The following SH3KBP1 variants were observed in gnomAD, a reference collection of about 807,000 sequenced individuals.
SH3KBP1 encodes SH3 domain-containing kinase-binding protein 1.
SH3KBP1 carries 8 observed loss-of-function variants against 50.1 expected under a neutral mutation model. That is an observed-to-expected ratio of 0.16 (90% CI 0.09 to 0.29). The LOEUF is 0.29. Among genes scored for constraint, SH3KBP1 ranks in the 10% least tolerant of loss-of-function variants. The pLI, the probability that SH3KBP1 is intolerant of heterozygous loss-of-function variation, is 1.00. For synonymous variants in SH3KBP1, 227 were observed against 218.6 expected (o/e 1.04, Z -0.34); for missense variants, 377 against 535.2 (o/e 0.70, Z 2.92).
chrX:19,797,420 G>A (rs1325201771), intron 2 of SH3KBP1, among the ~76,000 whole-genome samples: 1 of 112,013 alleles, frequency 8.9e-6, no homozygotes, highest in Non-Finnish European at 1.9e-5. Flanking sequence ...ATGGCAGAAG[G>A]CAGTGGCCGA....
intron 3 of SH3KBP1, among the ~76,000 whole-genome samples, chrX:19,709,738 TG>T (rs1181407226): frequency 1.8e-5 from 2 of 112,020 alleles, no homozygotes; most frequent in African/African-American, 3.3e-5. Flanking sequence ...TGAATTTGTT[TG>T]CCAGTACCAC....
At chrX:19,869,917 T>C (rs1316657786) in intron 1 of SH3KBP1, among the ~76,000 whole-genome samples, 1 of 112,171 alleles carries the variant, frequency 8.9e-6, no homozygotes, top group Admixed American at 9.5e-5. Flanking sequence ...TTTAAAAAAA[T>C]ACACTTCACA....
rs2066766395 is a variant in SH3KBP1, at chrX:19,592,121, T to C, written c.1084A>G (p.Lys362Glu). Residue 362 changes from lysine to glutamate, a missense_variant, in exon 11 of 18, where the codon AAA (lysine) becomes GAA (glutamate). Lys to Glu is a moderately conservative substitution (Grantham distance 56, BLOSUM62 1). Transcript: ENST00000397821. ...AGTTERKHEIKKIPPERPEML... is the reference protein window; with the variant it reads ...AGTTERKHEIEKIPPERPEML... ...TCTGGTCTTTCAGGAGGTATCTTTT[T>C]AATTTCATGTTTTCTCTCAGTGGTG... 1 of 1,203,162 alleles carries C rather than the reference T, an allele frequency of 8.3e-7. No homozygotes were observed. The highest frequency in any genetic ancestry group is 1.8e-5 in the African/African-American group (1 of 57,045).
chrX:19,864,972 T>C (rs1227723381), intron 1 of SH3KBP1, among the ~76,000 whole-genome samples: 1 of 112,164 alleles, frequency 8.9e-6, no homozygotes, highest in Non-Finnish European at 1.9e-5. Flanking sequence ...AAACACACTG[T>C]GGTTTTGTGT....
chrX:19,764,986 C>CTT (rs34368819), intron 2 of SH3KBP1, among the ~76,000 whole-genome samples: 4,311 of 44,553 alleles, frequency 0.097, 634 homozygotes, highest in African/African-American at 0.14. Context: ...TTTTGCAGTT[C>CTT]TTTTTTTTTT....
chrX:19,838,617 G>C (rs1268899601), intron 1 of SH3KBP1, among the ~76,000 whole-genome samples: 2 of 111,773 alleles, frequency 1.8e-5, no homozygotes, highest in Non-Finnish European at 3.8e-5. Flanking sequence ...GGCCGGGCAC[G>C]GTGGCTCATG....
chrX:19,594,515 C>T (rs778609042), intron 10 of SH3KBP1, among the ~76,000 whole-genome samples: 6 of 111,929 alleles, frequency 5.4e-5, no homozygotes, highest in Admixed American at 1.9e-4. Context: ...GGACAGATAT[C>T]GAAAATTCAG....
intron 2 of SH3KBP1, among the ~76,000 whole-genome samples, chrX:19,750,050 A>G (rs1003566450): frequency 2.7e-5 from 3 of 110,773 alleles, no homozygotes; most frequent in Non-Finnish European, 5.7e-5. Context: ...CTAGCTTCAG[A>G]GCTCATCTCT....
At chrX:19,799,618 T>C in intron 2 of SH3KBP1, 1 of 1,204,053 alleles carries the variant, frequency 8.3e-7, no homozygotes, top group South Asian at 1.8e-5. Context: ...TCAAAACAGA[T>C]GTATGGCCTA....
intron 7 of SH3KBP1, among the ~76,000 whole-genome samples, chrX:19,633,097 A>T (rs2061615549): frequency 8.9e-6 from 1 of 112,059 alleles, no homozygotes. Flanking sequence ...ATTGTGACAT[A>T]TAAAATAAAA....
intron 13 of SH3KBP1, among the ~76,000 whole-genome samples, chrX:19,551,665 C>T (rs1172076492): frequency 2.8e-5 from 3 of 107,824 alleles, no homozygotes; most frequent in African/African-American, 1.0e-4. Context: ...CCATCTCAGC[C>T]TCCCTACAGG....
chrX:19,847,792 T>C (rs1182527799), intron 1 of SH3KBP1, among the ~76,000 whole-genome samples: 1 of 112,393 alleles, frequency 8.9e-6, no homozygotes, highest in Non-Finnish European at 1.9e-5. Flanking sequence ...AAAAAGTTGC[T>C]AGTCAAGTAT....
chrX:19,837,462 CTTTTTT>C (rs777871798), intron 1 of SH3KBP1, among the ~76,000 whole-genome samples: 2 of 72,753 alleles, frequency 2.7e-5, no homozygotes, highest in Admixed American at 1.7e-4. Context: ...TTTCATAACA[CTTTTTT>C]TTTTTTTTTT....
At chrX:19,574,496 G>A (rs1272844654) in intron 12 of SH3KBP1, among the ~76,000 whole-genome samples, 1 of 112,742 alleles carries the variant, frequency 8.9e-6, no homozygotes, top group Non-Finnish European at 1.9e-5. Flanking sequence ...TCTGGAGGCT[G>A]GGAAGTCCAA....
intron 2 of SH3KBP1, among the ~76,000 whole-genome samples, chrX:19,810,044 G>A (rs1431311558): frequency 8.9e-6 from 1 of 112,209 alleles, no homozygotes; most frequent in East Asian, 2.8e-4. Flanking sequence ...CTTAAGGATT[G>A]TGTATTAAAT....
intron 12 of SH3KBP1, among the ~76,000 whole-genome samples, chrX:19,576,956 C>T (rs2066218830): frequency 8.9e-6 from 1 of 112,065 alleles, no homozygotes; most frequent in Non-Finnish European, 1.9e-5. Context: ...GCCATCTCAG[C>T]CCAACATGGG....
intron 3 of SH3KBP1, among the ~76,000 whole-genome samples, chrX:19,710,891 C>T (rs910222110): frequency 1.8e-5 from 2 of 111,151 alleles, no homozygotes; most frequent in Non-Finnish European, 3.8e-5. Context: ...GACCCCACGG[C>T]CCCCTTCCAT....
Position 19,766,483 on chromosome X carries a change from C to CTTTTTTTTTT in SH3KBP1, c.163-20052_163-20043dup, listed in dbSNP as rs61439964. Among the ~76,000 whole-genome samples the CTTTTTTTTTT allele has an allele frequency of 1.1e-3, 25 of 22,589 alleles. 12 individuals carry two copies. The highest frequency in any genetic ancestry group is 3.9e-3 in the African/African-American group (23 of 5,879). The allele number at this position is 22,589 out of a possible 115,157, so 19.6% of individuals were successfully genotyped here. ...TGCACTTTGAGTCTGTTGATTGCAT[C>CTTTTTTTTTT]TTTTTTTTTTTTTTTTTTTTTTTTT... On this transcript the variant is annotated intron_variant, in intron 2 of 17. Transcript: ENST00000397821.
chrX:19,590,686 C>G (rs1166186733), intron 11 of SH3KBP1, among the ~76,000 whole-genome samples: 2 of 106,771 alleles, frequency 1.9e-5, no homozygotes, highest in Non-Finnish European at 3.9e-5. Flanking sequence ...CTCTGTTGCT[C>G]AGGCTGGAGT....
Sources: allele counts gnomAD v4.1 joint callset (sites outside exome capture counted in the v4.1 genomes callset), GRCh38; gene constraint gnomAD v4.1.1; transcripts MANE v1.5; gene names NCBI Gene and HGNC (gene_info 2026-07-23, HGNC 2026-07-21).